Variants in CYSTM1 observed in about 807,000 individuals in gnomAD.
CYSTM1 encodes the protein cysteine-rich transmembrane module-containing protein 1.
CYSTM1 carries 4 observed loss-of-function variants against 13.1 expected under a neutral mutation model. The ratio of observed to expected loss-of-function variants is 0.31; its 90% confidence interval spans 0.15 to 0.70. The LOEUF (loss-of-function observed/expected upper bound fraction) is 0.70. Ranked by LOEUF, CYSTM1 falls within the 30% of genes least tolerant of loss-of-function variation. The pLI is 0.72. For missense variants in CYSTM1, 96 were observed against 121.6 expected, an observed-to-expected ratio of 0.79 and a Z score of 0.99; for synonymous variants, 36 against 42.7, an observed-to-expected ratio of 0.84 and a Z score of 0.62.
At chr5:140,209,391 C>T (rs1289095613) in intron 2 of CYSTM1, among the ~76,000 whole-genome samples, 12 of 143,452 alleles carry the variant, frequency 8.4e-5, no homozygotes, top group East Asian at 2.1e-4. Flanking sequence ...CTGAGCCTTC[C>T]GAGTAGCTGG....
chr5:140,222,584 C>T (rs1434582166), intron 2 of CYSTM1, among the ~76,000 whole-genome samples: 3 of 152,260 alleles, frequency 2.0e-5, no homozygotes, highest in African/African-American at 7.2e-5. Flanking sequence ...GAGATCAGTT[C>T]CAGTGTACTG....
chr5:140,198,532 T>C (rs553894460), intron 2 of CYSTM1, among the ~76,000 whole-genome samples: 1 of 152,224 alleles, frequency 6.6e-6, no homozygotes, highest in East Asian at 1.9e-4. Context: ...GACAACTAGC[T>C]TCCAATAGAG....
chr5:140,205,011 A>G (rs1311415671), intron 2 of CYSTM1, among the ~76,000 whole-genome samples: 3 of 152,192 alleles, frequency 2.0e-5, no homozygotes, highest in Non-Finnish European at 4.4e-5. Flanking sequence ...TTAAAATGAA[A>G]TAAGTTCTAC....
chr5:140,199,120 T>G (rs1294797514), intron 2 of CYSTM1, among the ~76,000 whole-genome samples: 1 of 152,226 alleles, frequency 6.6e-6, no homozygotes, highest in Non-Finnish European at 1.5e-5. Flanking sequence ...TCCATGTCCC[T>G]GCAAAGGACA....
At chr5:140,215,397 T>A (rs1349772983) in intron 2 of CYSTM1, among the ~76,000 whole-genome samples, 1 of 151,948 alleles carries the variant, frequency 6.6e-6, no homozygotes, top group Non-Finnish European at 1.5e-5. Context: ...GAGGACCAAG[T>A]CCAGAGCGAT....
chr5:140,182,900 C>T (rs1217467397), intron 1 of CYSTM1, among the ~76,000 whole-genome samples: 1 of 152,160 alleles, frequency 6.6e-6, no homozygotes, highest in Non-Finnish European at 1.5e-5. Flanking sequence ...GTGAAATTCA[C>T]TGTTGTCCAT....
rs746272443 is a variant in CYSTM1 at position 140,243,463 on chromosome 5, G to A, written c.*52G>A. On this transcript the variant is annotated 3_prime_UTR_variant, in exon 3 of 3. Coordinates refer to ENST00000261811, the MANE Select transcript of CYSTM1 (RefSeq NM_032412.4). Reference sequence around the variant, plus strand: ...GCCAGCTCTGCTGCCACCTCTGACAGGTGTGCCTGCCCCCATCTCTTCTGA... The same window carrying A: ...GCCAGCTCTGCTGCCACCTCTGACAAGTGTGCCTGCCCCCATCTCTTCTGA... 3 of 1,509,844 alleles carry A rather than the reference G, an allele frequency of 2.0e-6. No homozygotes were observed. Among genetic ancestry groups the A allele is most frequent in the Admixed American group, 1.7e-5 (1 of 57,564 alleles). 93.5% of individuals were successfully genotyped at this position (1,509,844 alleles called of 1,614,324 possible). A position where few individuals can be genotyped will look rare whatever the true frequency, so the allele number is the denominator to read the frequency against.
chr5:140,241,862 C>T (rs993711263), intron 2 of CYSTM1, among the ~76,000 whole-genome samples: 1 of 152,178 alleles, frequency 6.6e-6, no homozygotes, highest in African/African-American at 2.4e-5. Context: ...TCTTTCTGAT[C>T]CCTTTTCTAT....
At chr5:140,197,678 A>G (rs1188349322) in intron 2 of CYSTM1, among the ~76,000 whole-genome samples, 4 of 152,166 alleles carry the variant, frequency 2.6e-5, no homozygotes, top group Non-Finnish European at 4.4e-5. Flanking sequence ...TGAGCTCTAT[A>G]TGGAAATTTA....
intron 2 of CYSTM1, among the ~76,000 whole-genome samples, chr5:140,212,196 T>G (rs75871382): frequency 0.012 from 1,896 of 152,276 alleles, 38 homozygotes; most frequent in African/African-American, 0.041. Context: ...GTTTCAAATT[T>G]GTATTCTTAA....
chr5:140,202,328 G>A (rs181885832), intron 2 of CYSTM1: 79 of 152,324 alleles, frequency 5.2e-4, no homozygotes, highest in African/African-American at 1.9e-3. Flanking sequence ...AAAGCACTTA[G>A]CAAAGAACAA....
chr5:140,199,884 C>CT (rs1234532068), intron 2 of CYSTM1, among the ~76,000 whole-genome samples: 4 of 152,182 alleles, frequency 2.6e-5, no homozygotes, highest in Non-Finnish European at 5.9e-5. Context: ...TGATGATGAA[C>CT]TTTTTTTCAT....
At position 140,175,776 on chromosome 5, in the gene CYSTM1, T is replaced by C. The variant is rs1763875344; in HGVS notation, c.-21+491T>C. On this transcript the variant is annotated intron_variant, in intron 1 of 2. Coordinates refer to ENST00000261811, the MANE Select transcript of CYSTM1 (RefSeq NM_032412.4). The surrounding 1 kb of genome is among the most constrained non-coding windows in gnomAD (Gnocchi z 4.9). Reference sequence around the variant, plus strand: ...GAGCGGAGCGGAAGTAACTAGTGACTGGAAGTAACTAGGGAACGCAAAGCC... The same window carrying C: ...GAGCGGAGCGGAAGTAACTAGTGACCGGAAGTAACTAGGGAACGCAAAGCC... Among the ~76,000 whole-genome samples, 1 of 152,084 alleles carries C rather than the reference T, an allele frequency of 6.6e-6. No individual in the cohort carries two copies. Among genetic ancestry groups the C allele is most frequent in the East Asian group, 1.9e-4 (1 of 5,170 alleles).
intron 1 of CYSTM1, among the ~76,000 whole-genome samples, chr5:140,180,235 T>C (rs1308160390): frequency 6.6e-6 from 1 of 152,128 alleles, no homozygotes; most frequent in Non-Finnish European, 1.5e-5. Flanking sequence ...AGGCCACCAG[T>C]CCTGTCACTC....
In CYSTM1 at chr5:140,239,903, G is replaced by C. The variant is rs546541687; in HGVS notation, c.188-3402G>C. On this transcript the variant is annotated intron_variant, in intron 2 of 2. Transcript: ENST00000261811. This position sits in a 1 kb window ranked among gnomAD's most constrained non-coding sequence, Gnocchi z 5.4. ...AATAGTCCCTTCTTCTCTGGGGCCG[G>C]TTGAATAGGGTGGTCTGAGACACTA... Among the ~76,000 whole-genome samples the C allele has an allele frequency of 5.3e-5, 8 of 152,332 alleles. No homozygotes were observed. In the East Asian group the frequency reaches 1.5e-3, roughly 29 times the overall value.
chr5:140,212,033 G>T (rs1764373944), intron 2 of CYSTM1, among the ~76,000 whole-genome samples: 1 of 152,224 alleles, frequency 6.6e-6, no homozygotes, highest in Non-Finnish European at 1.5e-5. Context: ...TTTTATTTAG[G>T]TGCTTTGTAT....
intron 1 of CYSTM1, among the ~76,000 whole-genome samples, chr5:140,182,913 A>G (rs1186029105): frequency 6.6e-6 from 1 of 152,170 alleles, no homozygotes; most frequent in African/African-American, 2.4e-5. Context: ...TTGTCCATTA[A>G]GAGCCACCCC....
intron 2 of CYSTM1, among the ~76,000 whole-genome samples, chr5:140,241,242 C>T (rs1764744538): frequency 6.6e-6 from 1 of 152,236 alleles, no homozygotes; most frequent in South Asian, 2.1e-4. Flanking sequence ...GCCTGAGGTT[C>T]AGGGGCTCTG....
chr5:140,209,352 C>A (rs572374537), intron 2 of CYSTM1, among the ~76,000 whole-genome samples: 3 of 150,604 alleles, frequency 2.0e-5, no homozygotes, highest in Admixed American at 6.6e-5. Context: ...CTGCAACCTC[C>A]GCCTCCTGGG....
Sources: allele counts gnomAD v4.1 joint callset (sites outside exome capture counted in the v4.1 genomes callset), GRCh38; gene constraint gnomAD v4.1.1; non-coding constraint Gnocchi (gnomAD v3.1); transcripts MANE v1.5; gene names NCBI Gene and HGNC (gene_info 2026-07-23, HGNC 2026-07-21).